PHLPP1: variants seen among roughly 807,000 people sequenced by gnomAD.
PHLPP1 encodes the protein PH domain and leucine rich repeat protein phosphatase 1, also known as PH domain leucine-rich repeat-containing protein phosphatase 1.
A neutral mutation model predicts 117.2 loss-of-function variants in PHLPP1; 42 were observed. The ratio of observed to expected loss-of-function variants is 0.36; its 90% CI spans 0.28 to 0.46. The LOEUF is 0.46. Among genes scored for constraint, PHLPP1 ranks in the 20% least tolerant of loss-of-function variants. The pLI is 1.00. For synonymous variants in PHLPP1, 1,042 were observed against 970.7 expected (o/e 1.07, Z -1.37); for missense variants, 2,084 against 2,241.9 (o/e 0.93, Z 1.42).
intron 3 of PHLPP1, among the ~76,000 whole-genome samples, chr18:62,859,949 AG>A (rs1041778261): frequency 2.0e-5 from 3 of 152,212 alleles, no homozygotes; most frequent in Non-Finnish European, 4.4e-5. Context: ...ACTTAATGAC[AG>A]GGATGTATCT....
intron 3 of PHLPP1, among the ~76,000 whole-genome samples, chr18:62,847,149 A>G (rs796893699): frequency 6.6e-6 from 1 of 152,196 alleles, no homozygotes; most frequent in South Asian, 2.1e-4. Flanking sequence ...GTATAATTAG[A>G]CTATTACCAT....
chr18:62,726,580 G>GT (rs1911078220), intron 1 of PHLPP1, among the ~76,000 whole-genome samples: 1 of 121,656 alleles, frequency 8.2e-6, no homozygotes, highest in Admixed American at 8.2e-5. Flanking sequence ...GTTCTGTTCT[G>GT]TTCTTTTTTT....
intron 1 of PHLPP1, among the ~76,000 whole-genome samples, chr18:62,740,101 A>G (rs1478153194): frequency 7.1e-6 from 1 of 140,330 alleles, no homozygotes; most frequent in Non-Finnish European, 1.5e-5. Flanking sequence ...TTGTTTTGAT[A>G]GCAAGCACAG....
At chr18:62,823,034 T>A (rs2144324008) in intron 1 of PHLPP1, among the ~76,000 whole-genome samples, 1 of 152,316 alleles carries the variant, frequency 6.6e-6, no homozygotes, top group East Asian at 1.9e-4. Flanking sequence ...TGCTTGAAAT[T>A]GATCATAGAC....
intron 1 of PHLPP1, among the ~76,000 whole-genome samples, chr18:62,800,790 CT>C (rs1913755157): frequency 6.6e-6 from 1 of 151,898 alleles, no homozygotes; most frequent in Non-Finnish European, 1.5e-5. Flanking sequence ...GAGCTGGCTT[CT>C]CCGGCTACCT....
intron 1 of PHLPP1, among the ~76,000 whole-genome samples, chr18:62,803,014 G>A (rs556420034): frequency 3.3e-4 from 50 of 152,100 alleles, no homozygotes; most frequent in Non-Finnish European, 6.6e-4. Context: ...GGTGGAGAAT[G>A]GAGAAAGCAT....
intron 2 of PHLPP1, among the ~76,000 whole-genome samples, chr18:62,834,045 T>C (rs1914825388): frequency 6.6e-6 from 1 of 152,116 alleles, no homozygotes; most frequent in East Asian, 1.9e-4. Context: ...TTCCCCCCAA[T>C]CTTAGTGACT....
chr18:62,883,537 T>C (rs1032017813), intron 4 of PHLPP1, among the ~76,000 whole-genome samples: 29 of 152,226 alleles, frequency 1.9e-4, no homozygotes, highest in African/African-American at 5.1e-4. Context: ...GTTGAAAAGA[T>C]GCTAACATTA....
chr18:62,785,938 A>G (rs971608214), intron 1 of PHLPP1, among the ~76,000 whole-genome samples: 7 of 152,206 alleles, frequency 4.6e-5, no homozygotes, highest in African/African-American at 1.7e-4. Flanking sequence ...TCATAGGTAG[A>G]TACACATAGG....
chr18:62,920,208 G>C, intron 10 of PHLPP1, 94 bp downstream of exon 10: 1 of 1,176,744 alleles, frequency 8.5e-7, no homozygotes, highest in Non-Finnish European at 1.2e-6. Flanking sequence ...TAAACTTTCT[G>C]AGTATGTATC....
chr18:62,735,841 G>A (rs546601198), intron 1 of PHLPP1, among the ~76,000 whole-genome samples: 1 of 152,088 alleles, frequency 6.6e-6, no homozygotes, highest in South Asian at 2.1e-4. Flanking sequence ...TACTAAATCA[G>A]AACCTGACAA....
Position 62,915,452 on chromosome 18 carries a change from G to A in PHLPP1, c.2804+444G>A, listed in dbSNP as rs965512411. Among the ~76,000 whole-genome samples the A allele has an allele frequency of 2.0e-5, 3 of 152,104 alleles. No individual in the cohort carries two copies. In the South Asian group the frequency reaches 6.2e-4, roughly 32 times the overall value. On this transcript the variant is annotated intron_variant, in intron 9 of 16. Coordinates refer to ENST00000262719, the MANE Select transcript of PHLPP1 (RefSeq NM_194449.4). ...GGTTAGGTCATGAAACCTAGAAAGA[G>A]CAAACTAGATTCTCTTTTTCTTGTT...
chr18:62,758,878 G>A lies in PHLPP1; in HGVS notation c.1576+41619G>A, dbSNP rs188246532. The stretch of plus-strand genomic sequence containing the variant: ...TCTTTTCACATGGTGATTGCAATAA[G>A]GGGAGAATGGAGGCTCTTGTTGAAT... On this transcript the variant is annotated intron_variant, in intron 1 of 16. Coordinates refer to ENST00000262719, the MANE Select transcript of PHLPP1 (RefSeq NM_194449.4). 2.0e-5 allele frequency among the ~76,000 whole-genome samples: 3 copies of A among 152,306 alleles called. No homozygotes were observed. In the East Asian group the frequency reaches 5.8e-4, roughly 29 times the overall value.
chr18:62,830,885 A>G (rs1399179551), intron 2 of PHLPP1, among the ~76,000 whole-genome samples: 1 of 152,058 alleles, frequency 6.6e-6, no homozygotes, highest in African/African-American at 2.4e-5. Flanking sequence ...TAATTTCGTG[A>G]ATTTAGAAAC....
intron 6 of PHLPP1, among the ~76,000 whole-genome samples, chr18:62,898,624 C>T (rs189060284): frequency 6.6e-6 from 1 of 152,218 alleles, no homozygotes; most frequent in Non-Finnish European, 1.5e-5. Context: ...GGGCCTCCAA[C>T]CTGTGGTGGC....
chr18:62,799,775 G>A (rs1913724031), intron 1 of PHLPP1, among the ~76,000 whole-genome samples: 1 of 152,112 alleles, frequency 6.6e-6, no homozygotes, highest in South Asian at 2.1e-4. Context: ...ATAGCTGAGG[G>A]TTTTTGTTTA....
Position 62,978,359 on chromosome 18 carries a change from T to C in PHLPP1, c.4082T>C (p.Leu1361Pro). 1.9e-6 allele frequency: 3 copies of C among 1,612,790 alleles called. No homozygotes were observed. Among genetic ancestry groups the C allele is most frequent in the Non-Finnish European group, 2.5e-6 (3 of 1,179,226 alleles). Residue 1361 changes from leucine to proline, a missense_variant, in exon 17 of 17, where the codon CTC (leucine) becomes CCC (proline). This residue lies in a region of PHLPP1 where 1,365 missense variants were observed against 1,605.9 expected (regional missense o/e 0.85). Transcript: ENST00000262719. The surrounding 1 kb of genome is among the most constrained non-coding windows in gnomAD (Gnocchi z 7.0). Reference sequence around the variant, plus strand: ...CCTCGCCCCCACGTGCAGTCCGTGCTCCTGACTCCCCAGGATGAGTTCTTC... The same window carrying C: ...CCTCGCCCCCACGTGCAGTCCGTGCCCCTGACTCCCCAGGATGAGTTCTTC... ...VVPRPHVQSV[L>P]LTPQDEFFIL...
chr18:62,718,753 G>A (rs1159543606), intron 1 of PHLPP1, among the ~76,000 whole-genome samples: 3 of 152,100 alleles, frequency 2.0e-5, no homozygotes, highest in South Asian at 4.1e-4. Context: ...TTAAAAATAG[G>A]TGCCCTTTAA....
At chr18:62,791,860 C>CT (rs1875563550) in intron 1 of PHLPP1, among the ~76,000 whole-genome samples, 4 of 152,078 alleles carry the variant, frequency 2.6e-5, no homozygotes, top group South Asian at 4.1e-4. Flanking sequence ...AACAGGTGGA[C>CT]TTGAAGGAAA....
Sources: gnomAD v4.1 joint callset for allele counts (sites outside exome capture counted in the v4.1 genomes callset) on GRCh38, gnomAD v4.1.1 for gene constraint, gnomAD v4.1.1 regional missense constraint, Gnocchi (gnomAD v3.1) non-coding constraint, MANE v1.5 for transcripts, NCBI Gene and HGNC (gene_info 2026-07-23, HGNC 2026-07-21) for gene names.